Variants in DLG5 observed in about 807,000 individuals in gnomAD.
The protein encoded by DLG5 is disks large homolog 5.
In DLG5, 48 loss-of-function variants were observed where a neutral mutation model predicts 189.8. The observed-to-expected ratio is 0.25, with a 90% confidence interval of 0.20 to 0.32. The LOEUF (loss-of-function observed/expected upper bound fraction) is 0.32. Among genes scored for constraint, DLG5 ranks in the 10% least tolerant of loss-of-function variants. DLG5 has a pLI of 1.00. For missense variants in DLG5, 2,160 were observed against 2,544.7 expected (o/e 0.85, Z 3.25); for synonymous variants, 1,016 against 1,054.1 (o/e 0.96, Z 0.70).
chr10:77,793,412 T>C (rs751327275), intron 31 of DLG5: 1 of 153,464 alleles, frequency 6.5e-6, no homozygotes, highest in Admixed American at 6.5e-5. Flanking sequence ...TGACTGCAAA[T>C]GCTAATGCCC....
intron 2 of DLG5, chr10:77,868,308 C>T: frequency 2.8e-6 from 1 of 362,306 alleles, no homozygotes; most frequent in Non-Finnish European, 5.5e-6. Flanking sequence ...CCCTAACATC[C>T]AGGAGTGTGG....
intron 24 of DLG5, among the ~76,000 whole-genome samples, chr10:77,808,314 C>G (rs998837277): frequency 2.0e-5 from 3 of 152,192 alleles, no homozygotes; most frequent in Non-Finnish European, 4.4e-5. Context: ...GTCACACAGA[C>G]TGAGTGCAGT....
Position 77,867,326 on chromosome 10 carries a change from A to G in DLG5, c.373+1803T>C, listed in dbSNP as rs949851082. ...TTTAACCCTTGAAATGCCGATGGGA[A>G]TGAGTTTACTGATTGCTATCTGTTA... On this transcript the variant is annotated intron_variant, in intron 2 of 31. Coordinates refer to ENST00000372391, the MANE Select transcript of DLG5 (RefSeq NM_004747.4). Among the ~76,000 whole-genome samples the G allele has an allele frequency of 5.3e-5, 8 of 152,212 alleles. No individual in the cohort carries two copies. The East Asian group carries it at 1.5e-3, about 29-fold the overall frequency.
At chr10:77,878,309 A>G (rs2154577307) in intron 1 of DLG5, among the ~76,000 whole-genome samples, 1 of 152,338 alleles carries the variant, frequency 6.6e-6, no homozygotes, top group Non-Finnish European at 1.5e-5. Flanking sequence ...CCTCATTTAT[A>G]AAATAGGAAG....
At chr10:77,930,876 A>C (rs1334740935), upstream of DLG5, among the ~76,000 whole-genome samples, 1 of 136,302 alleles carries the variant, frequency 7.3e-6, no homozygotes, top group East Asian at 2.2e-4. Flanking sequence ...GCTGGAGTGC[A>C]ATGGCATGAT....
At chr10:77,794,633 G>A (rs1840815045) in intron 30 of DLG5, among the ~76,000 whole-genome samples, 1 of 152,254 alleles carries the variant, frequency 6.6e-6, no homozygotes, top group African/African-American at 2.4e-5. Context: ...TGGCGGAGGG[G>A]CGCGAGGAAG....
Position 77,812,256 on chromosome 10 carries a change from C to T in DLG5, c.4147G>A (p.Ala1383Thr), listed in dbSNP as rs1338661135. 6.2e-7 allele frequency: 1 copy of T among 1,614,074 alleles called. No individual in the cohort carries two copies. The highest frequency in any genetic ancestry group is 8.5e-7 in the Non-Finnish European group (1 of 1,179,982). Residue 1383 changes from alanine (A) to threonine (T), a missense_variant, in exon 21 of 32, where the codon GCT (alanine) becomes ACT (threonine). Ala to Thr is a moderately conservative substitution (Grantham distance 58). Transcript: ENST00000372391. ...CCATACTCGAGGCCAGCCTGGTGAG[C>T]GATGCTCCCCACGGTCACCTTGGAG... ...YVSKVTVGSI[A>T]HQAGLEYGDQ...
intron 2 of DLG5, among the ~76,000 whole-genome samples, chr10:77,867,510 A>C (rs1404437132): frequency 6.6e-6 from 1 of 152,126 alleles, no homozygotes; most frequent in Non-Finnish European, 1.5e-5. Flanking sequence ...CCAAATTCCA[A>C]CAATCCCATC....
At chr10:77,797,899 G>C (rs1307909344) in intron 27 of DLG5, among the ~76,000 whole-genome samples, 4 of 152,110 alleles carry the variant, frequency 2.6e-5, no homozygotes, top group African/African-American at 9.7e-5. Context: ...TTTTAGAAGT[G>C]ATCACTGCTG....
At chr10:77,855,357 T>C (rs1284140057) in intron 3 of DLG5, among the ~76,000 whole-genome samples, 3 of 152,208 alleles carry the variant, frequency 2.0e-5, no homozygotes, top group African/African-American at 4.8e-5. Context: ...GAGGCAATGA[T>C]CTGTGCATTA....
intron 22 of DLG5, among the ~76,000 whole-genome samples, chr10:77,811,694 G>A (rs1013998082): frequency 6.6e-6 from 1 of 152,164 alleles, no homozygotes; most frequent in African/African-American, 2.4e-5. Context: ...ATGGGCCCCT[G>A]CTGGTCAGGG....
rs779493862 is a variant in DLG5 at position 77,829,395 on chromosome 10, C to T, written c.2145G>A (p.Lys715=). 3.7e-6 allele frequency: 6 copies of T among 1,614,248 alleles called. No individual in the cohort carries two copies. The highest frequency in any genetic ancestry group is 2.2e-5 in the East Asian group (1 of 44,890). Residue 715 remains lysine (K), a synonymous_variant, in exon 12 of 32, where the codon AAG becomes AAA. Coordinates refer to ENST00000372391, the MANE Select transcript of DLG5 (RefSeq NM_004747.4). ...GGTTGATGTGCAGCGGCGTGACCACCTTCCCACCCAGGGACTTCCTCCGCC... is the reference window on the plus strand; with the variant it reads ...GGTTGATGTGCAGCGGCGTGACCACTTTCCCACCCAGGGACTTCCTCCGCC... ...VVRRRKSLGG[K]VVTPLHINLS...
intron 24 of DLG5, among the ~76,000 whole-genome samples, chr10:77,808,433 A>AT (rs1167483632): frequency 3.9e-5 from 6 of 151,942 alleles, no homozygotes; most frequent in Non-Finnish European, 5.9e-5. Context: ...CACCTGGCTA[A>AT]TTTTTTTGTT....
intron 2 of DLG5, among the ~76,000 whole-genome samples, chr10:77,866,104 T>C (rs1203646472): frequency 6.6e-6 from 1 of 152,146 alleles, no homozygotes; most frequent in African/African-American, 2.4e-5. Flanking sequence ...CAGGGCGGTG[T>C]GTGCTTGCAA....
chr10:77,848,844 G>A (rs887347154), intron 5 of DLG5, among the ~76,000 whole-genome samples: 2 of 152,012 alleles, frequency 1.3e-5, no homozygotes, highest in Admixed American at 1.3e-4. Context: ...ACAAAGCTAG[G>A]CTGGATCTGA....
At chr10:77,918,887 A>C (rs1483715031) in intron 1 of DLG5, among the ~76,000 whole-genome samples, 3 of 152,100 alleles carry the variant, frequency 2.0e-5, no homozygotes, top group African/African-American at 7.2e-5. Context: ...ATGGGGCAGA[A>C]CATACAGGTG....
intron 31 of DLG5, 107 bp from the exon 32 acceptor site, chr10:77,792,650 T>C: frequency 9.7e-7 from 1 of 1,032,990 alleles, no homozygotes; most frequent in Non-Finnish European, 1.5e-6. Flanking sequence ...GTCTGCTTTG[T>C]GCTCCTTGGC....
chr10:77,853,110 G>A (rs1844060067), intron 5 of DLG5, among the ~76,000 whole-genome samples: 2 of 151,874 alleles, frequency 1.3e-5, no homozygotes, highest in African/African-American at 2.4e-5. Flanking sequence ...AACCTCCTGA[G>A]TAGCTAGGAC....
intron 1 of DLG5, among the ~76,000 whole-genome samples, chr10:77,917,341 C>CA (rs571018721): frequency 2.2e-3 from 328 of 148,316 alleles, no homozygotes; most frequent in African/African-American, 7.6e-3. Flanking sequence ...GACTCCATCT[C>CA]AAAAAAAAAC....
Sources: allele counts gnomAD v4.1 joint callset (sites outside exome capture counted in the v4.1 genomes callset), GRCh38; gene constraint gnomAD v4.1.1; transcripts MANE v1.5; gene names NCBI Gene and HGNC (gene_info 2026-07-23, HGNC 2026-07-21).